ZFPM2: variants seen among roughly 807,000 people sequenced by gnomAD.
ZFPM2 encodes zinc finger protein ZFPM2.
A neutral mutation model predicts 98.6 loss-of-function variants in ZFPM2; 20 were observed. That is an observed-to-expected ratio of 0.20 (90% CI 0.14 to 0.29). The LOEUF (loss-of-function observed/expected upper bound fraction) is 0.29. Among genes scored for constraint, ZFPM2 ranks in the 10% least tolerant of loss-of-function variants. The pLI, the probability that ZFPM2 is intolerant of heterozygous loss-of-function variation, is 1.00. For missense variants in ZFPM2, 1,310 were observed against 1,388.6 expected (o/e 0.94, Z 0.90); for synonymous variants, 518 against 502.7 (o/e 1.03, Z -0.41).
chr8:105,496,988 A>C (rs1813482809), intron 3 of ZFPM2, among the ~76,000 whole-genome samples: 1 of 142,074 alleles, frequency 7.0e-6, no homozygotes, highest in Admixed American at 7.0e-5. Context: ...GTCTCAAAAA[A>C]AAAAAAAAAA....
At chr8:105,590,617 TAA>T (rs1815820423) in intron 4 of ZFPM2, among the ~76,000 whole-genome samples, 1 of 152,244 alleles carries the variant, frequency 6.6e-6, no homozygotes, top group Admixed American at 6.5e-5. Context: ...TCCAAAACTT[TAA>T]GAGTGCCCTA....
chr8:105,366,209 G>A lies in ZFPM2; in HGVS notation c.40+47228G>A, dbSNP rs367620285. 1.4e-4 allele frequency among the ~76,000 whole-genome samples: 22 copies of A among 152,136 alleles called. No individual in the cohort carries two copies. In the East Asian group the frequency reaches 2.1e-3, roughly 15 times the overall value. On this transcript the variant is annotated intron_variant, in intron 1 of 7. Transcript: ENST00000407775. ...CTTCTTCATTGTGTGTGGAAGTTAC[G>A]GTATTTTACGTAATTCAATCGATAG...
chr8:105,505,791 G>A (rs1813687280), intron 3 of ZFPM2, among the ~76,000 whole-genome samples: 1 of 152,046 alleles, frequency 6.6e-6, no homozygotes, highest in South Asian at 2.1e-4. Context: ...GCAATAAAAT[G>A]CCATACCATA....
intron 5 of ZFPM2, among the ~76,000 whole-genome samples, chr8:105,641,153 A>G (rs1816942277): frequency 6.6e-6 from 1 of 152,090 alleles, no homozygotes; most frequent in African/African-American, 2.4e-5. Flanking sequence ...GTAAAATTAC[A>G]TTATCAGTGT....
intron 3 of ZFPM2, among the ~76,000 whole-genome samples, chr8:105,462,387 T>C (rs1257537833): frequency 6.6e-6 from 1 of 152,024 alleles, no homozygotes; most frequent in African/African-American, 2.4e-5. Context: ...AGGCCTGACC[T>C]TACTGCTTCC....
At chr8:105,371,142 G>T (rs1003000524) in intron 1 of ZFPM2, among the ~76,000 whole-genome samples, 1 of 152,064 alleles carries the variant, frequency 6.6e-6, no homozygotes, top group Non-Finnish European at 1.5e-5. Context: ...TAATACTTTT[G>T]TTTTAATATT....
chr8:105,735,173 A>G (rs1812040035), intron 5 of ZFPM2, among the ~76,000 whole-genome samples: 1 of 149,240 alleles, frequency 6.7e-6, no homozygotes, highest in African/African-American at 2.4e-5. Flanking sequence ...AGATCTATAT[A>G]GATAAATAGA....
intron 5 of ZFPM2, among the ~76,000 whole-genome samples, chr8:105,770,852 C>T (rs1586251420): frequency 6.6e-6 from 1 of 152,220 alleles, no homozygotes; most frequent in East Asian, 1.9e-4. Flanking sequence ...TAGACATAGA[C>T]TTAGGTAGCT....
rs140896097 is a variant in ZFPM2 at position 105,421,092 on chromosome 8, T to A, written c.199+1790T>A. Among the ~76,000 whole-genome samples the A allele has an allele frequency of 1.2e-3, 187 of 152,266 alleles. 3 individuals carry two copies. The highest frequency in any genetic ancestry group is 3.4e-4 in the Non-Finnish European group (23 of 67,994). Reference sequence around the variant, plus strand: ...AGAAAATAGATTTATGGCAAATGCTTACATGAGGATGTAACTATGGTCTTA... The same window carrying A: ...AGAAAATAGATTTATGGCAAATGCTAACATGAGGATGTAACTATGGTCTTA... On this transcript the variant is annotated intron_variant, in intron 2 of 7. Coordinates refer to ENST00000407775, the MANE Select transcript of ZFPM2 (RefSeq NM_012082.4).
rs974516426 is a variant in ZFPM2 at position 105,337,258 on chromosome 8, CA to C, written c.40+18279del. ...GTCAGAGACTGGGGGTGGGGCAAGA[CA>C]ACAATAGTTTCACACTGCTGCAGGG... is the stretch of plus-strand genomic sequence containing the variant. On this transcript the variant is annotated intron_variant, in intron 1 of 7. Transcript: ENST00000407775. Among the ~76,000 whole-genome samples, 13 of 151,788 alleles carry C rather than the reference CA, an allele frequency of 8.6e-5. No individual in the cohort carries two copies. The Admixed American group carries it at 8.6e-4, about 10-fold the overall frequency.
intron 5 of ZFPM2, among the ~76,000 whole-genome samples, chr8:105,756,329 C>T (rs1487414758): frequency 2.6e-5 from 4 of 152,140 alleles, no homozygotes; most frequent in African/African-American, 9.7e-5. Flanking sequence ...CTGTACCAGG[C>T]GAAATGTAGG....
intron 2 of ZFPM2, among the ~76,000 whole-genome samples, chr8:105,438,073 TA>T (rs1178068784): frequency 1.3e-5 from 2 of 152,002 alleles, no homozygotes; most frequent in African/African-American, 4.8e-5. Context: ...AAATAAAAAA[TA>T]AAAAGTTGTT....
Position 105,443,325 on chromosome 8 carries a change from AC to A in ZFPM2, c.200-954del, listed in dbSNP as rs1378348201. Among the ~76,000 whole-genome samples, 35 of 147,262 alleles carry A rather than the reference AC, an allele frequency of 2.4e-4. 1 individual carries two copies. Among genetic ancestry groups the A allele is most frequent in the South Asian group, 6.4e-4 (3 of 4,662 alleles). On this transcript the variant is annotated intron_variant, in intron 2 of 7. Coordinates refer to ENST00000407775, the MANE Select transcript of ZFPM2 (RefSeq NM_012082.4). Reference sequence around the variant, plus strand: ...AAGACTCCTTCTCAAAAAACAAAAAACAAAAAAAAAAAAACTTGGCATTATT... The same window carrying A: ...AAGACTCCTTCTCAAAAAACAAAAAAAAAAAAAAAAAAACTTGGCATTATT...
At chr8:105,477,739 T>A (rs1023919979) in intron 3 of ZFPM2, among the ~76,000 whole-genome samples, 1 of 152,234 alleles carries the variant, frequency 6.6e-6, no homozygotes, top group African/African-American at 2.4e-5. Flanking sequence ...CAATGTTTCA[T>A]GTGCATTTGC....
At position 105,802,193 on chromosome 8, in the gene ZFPM2, T is replaced by C. The variant is rs1362765040; in HGVS notation, c.2111T>C (p.Val704Ala). 1 of 1,613,810 alleles carries C rather than the reference T, an allele frequency of 6.2e-7. No individual in the cohort carries two copies. The highest frequency in any genetic ancestry group is 8.5e-7 in the Non-Finnish European group (1 of 1,179,892). Residue 704 changes from valine to alanine, a missense_variant, in exon 8 of 8, where the codon GTC (valine) becomes GCC (alanine). Val to Ala is a moderately conservative substitution (Grantham distance 64). Transcript: ENST00000407775. ...TTCAGCCGGCACGAAACATACATGG[T>C]CCACAAACAGTATTACTGTGCTACA... ...ITFSRHETYM[V>A]HKQYYCATRH...
At chr8:105,394,720 C>T (rs774473750) in intron 1 of ZFPM2, among the ~76,000 whole-genome samples, 1 of 152,228 alleles carries the variant, frequency 6.6e-6, no homozygotes, top group South Asian at 2.1e-4. Context: ...CTTGGCACAG[C>T]TCCTTGTCTC....
Position 105,803,294 on chromosome 8 carries a change from A to G in ZFPM2, c.3212A>G (p.Asp1071Gly). The G allele has an allele frequency of 2.5e-6, 4 of 1,595,006 alleles. No homozygotes were observed. The highest frequency in any genetic ancestry group is 3.4e-6 in the Non-Finnish European group (4 of 1,170,262). The change falls in exon 8 of 8, where the codon GAC becomes GGC. Residue 1071 changes from aspartate to glycine, a missense_variant. Asp to Gly is a moderately conservative substitution (Grantham distance 94, BLOSUM62 -1). Coordinates refer to ENST00000407775, the MANE Select transcript of ZFPM2 (RefSeq NM_012082.4). ...ATTTCCCAGAATCCTCAGCACGAAGACGACCACAAATCTCCCTCGTGGATC... is the reference window on the plus strand; with the variant it reads ...ATTTCCCAGAATCCTCAGCACGAAGGCGACCACAAATCTCCCTCGTGGATC... ...ENISQNPQHE[D>G]DHKSPSWISE...
intron 5 of ZFPM2, among the ~76,000 whole-genome samples, chr8:105,649,861 G>GC (rs1419594602): frequency 6.6e-6 from 1 of 152,150 alleles, no homozygotes. Context: ...TTGTGTCTCT[G>GC]CCAGCCTTTG....
intron 5 of ZFPM2, among the ~76,000 whole-genome samples, chr8:105,650,877 A>G (rs1379801966): frequency 6.6e-6 from 1 of 152,178 alleles, no homozygotes; most frequent in Admixed American, 6.5e-5. Context: ...GTAGATGTCT[A>G]TTAGGTCCGC....
Sources: allele counts gnomAD v4.1 joint callset (sites outside exome capture counted in the v4.1 genomes callset), GRCh38; gene constraint gnomAD v4.1.1; transcripts MANE v1.5; gene names NCBI Gene and HGNC (gene_info 2026-07-23, HGNC 2026-07-21).